Variants in GIN1 observed in about 807,000 individuals in gnomAD.
The protein encoded by GIN1 is gypsy retrotransposon integrase 1.
Under a neutral mutation model 51.4 loss-of-function variants are expected in GIN1, and 41 were observed. That is an observed-to-expected ratio of 0.80 (90% CI 0.62 to 1.04). The LOEUF is 1.04. Ranked by LOEUF, GIN1 falls within the 50% of genes least tolerant of loss-of-function variation. The pLI is 0.00. For synonymous variants in GIN1, 222 were observed against 206.5 expected, an observed-to-expected ratio of 1.07 and a Z score of -0.64; for missense variants, 610 against 612.4, an observed-to-expected ratio of 1.00 and a Z score of 0.04.
intron 1 of GIN1, among the ~76,000 whole-genome samples, chr5:103,119,712 G>A (rs1273017307): frequency 6.6e-6 from 1 of 152,154 alleles, no homozygotes; most frequent in Non-Finnish European, 1.5e-5. Context: ...AGTCTCAAAC[G>A]CTGTGAGGGA....
At chr5:103,096,418 G>GT in intron 7 of GIN1, 123 bp downstream of exon 7, 1 of 755,684 alleles carries the variant, frequency 1.3e-6, no homozygotes, top group Non-Finnish European at 2.2e-6. Context: ...AGCTAAAACT[G>GT]TAACAAATTT....
intron 1 of GIN1, among the ~76,000 whole-genome samples, chr5:103,113,799 G>C (rs1787950098): frequency 6.6e-6 from 1 of 152,104 alleles, no homozygotes. Context: ...TGGGCTTACA[G>C]GTGTGAGCCA....
Position 103,106,723 on chromosome 5 carries a change from T to C in GIN1, c.326A>G (p.Lys109Arg). 2 of 1,573,808 alleles carry C rather than the reference T, an allele frequency of 1.3e-6. No individual in the cohort carries two copies. Among genetic ancestry groups the C allele is most frequent in the Non-Finnish European group, 1.7e-6 (2 of 1,153,280 alleles). ...TAAATACATAAGCCATACCCACTGT[T>C]TGACATCATTGGTCACAGATGTCCA... ...YYWTSVTNDV[K>R]QWVYACQHCQ... Residue 109 changes from lysine to arginine, a missense_variant, in exon 3 of 8, where the codon AAA becomes AGA. Lys to Arg is a conservative substitution (Grantham distance 26, BLOSUM62 2). Coordinates refer to ENST00000399004, the MANE Select transcript of GIN1 (RefSeq NM_017676.2).
At chr5:103,117,290 G>A (rs941104616) in intron 1 of GIN1, among the ~76,000 whole-genome samples, 33 of 151,852 alleles carry the variant, frequency 2.2e-4, no homozygotes, top group African/African-American at 7.5e-4. Context: ...AGACACAAAT[G>A]GCTATATATT....
chr5:103,099,617 A>G (rs1787511489), intron 4 of GIN1, among the ~76,000 whole-genome samples: 1 of 152,196 alleles, frequency 6.6e-6, no homozygotes, highest in African/African-American at 2.4e-5. Context: ...GGAATGATCC[A>G]GGGAATCCAT....
Position 103,088,167 on chromosome 5 carries a change from G to C in GIN1, c.1300C>G (p.Leu434Val). 1 of 1,487,656 alleles carries C rather than the reference G, an allele frequency of 6.7e-7. No individual in the cohort carries two copies. The allele number at this position is 1,487,656 out of a possible 1,614,324, so 92.2% of individuals were successfully genotyped here. A position where few individuals can be genotyped will look rare whatever the true frequency, so the allele number is the denominator to read the frequency against. ...ACTACTGAACCTTGCAAGAGATAAAGACTTTCTGAAAAAAGAAAAATCATA... is the reference window on the plus strand; with the variant it reads ...ACTACTGAACCTTGCAAGAGATAAACACTTTCTGAAAAAAGAAAAATCATA... ...YIRESSEQES[L>V]YLLQGSVVAD... is the part of the protein sequence containing the mutation. The change falls in exon 8 of 8, where the codon CTT becomes GTT. Residue 434 changes from leucine to valine, a missense_variant. Coordinates refer to ENST00000399004, the MANE Select transcript of GIN1 (RefSeq NM_017676.2).
intron 1 of GIN1, among the ~76,000 whole-genome samples, chr5:103,117,474 A>T (rs781965762): frequency 6.6e-6 from 1 of 151,480 alleles, no homozygotes; most frequent in Non-Finnish European, 1.5e-5. Flanking sequence ...GCATATATAG[A>T]ACCTGATATA....
intron 2 of GIN1, among the ~76,000 whole-genome samples, chr5:103,108,329 G>A (rs564235919): frequency 2.6e-5 from 4 of 152,114 alleles, no homozygotes; most frequent in Non-Finnish European, 5.9e-5. Flanking sequence ...TTAGAAAAAT[G>A]TTTTGTTTTC....
chr5:103,118,533 C>A (rs1554197684), intron 1 of GIN1, among the ~76,000 whole-genome samples: 1 of 152,044 alleles, frequency 6.6e-6, no homozygotes, highest in Non-Finnish European at 1.5e-5. Context: ...AGAAAATAAT[C>A]AGAAGACTCA....
chr5:103,100,384 C>CTATTAT (rs782702809), intron 4 of GIN1, among the ~76,000 whole-genome samples: 8 of 150,418 alleles, frequency 5.3e-5, no homozygotes, highest in South Asian at 2.1e-4. Flanking sequence ...TGAGCACAGC[C>CTATTAT]TATTATTATT....
At chr5:103,113,421 AG>A (rs1299894872) in intron 1 of GIN1, among the ~76,000 whole-genome samples, 4 of 152,042 alleles carry the variant, frequency 2.6e-5, no homozygotes, top group Non-Finnish European at 4.4e-5. Flanking sequence ...ACATGAGGGA[AG>A]GGGAAAGGGG....
At position 103,088,105 on chromosome 5, in the gene GIN1, C is replaced by T. The variant is rs183830554; in HGVS notation, c.1362G>A (p.Pro454=). 6.8e-6 allele frequency: 11 copies of T among 1,608,408 alleles called. No homozygotes were observed. The highest frequency in any genetic ancestry group is 4.4e-5 in the South Asian group (4 of 90,858). ...DHDYIGLPEI[P]IGAYQANILV... is the part of the protein sequence containing the mutation. ...GAATATTTGCTTGATATGCTCCAATCGGAATTTCAGGCAATCCAATGTAGT... is the reference window on the plus strand; with the variant it reads ...GAATATTTGCTTGATATGCTCCAATTGGAATTTCAGGCAATCCAATGTAGT... Residue 454 remains proline (P), a synonymous_variant, in exon 8 of 8, where the codon CCG becomes CCA. Transcript: ENST00000399004.
intron 7 of GIN1, among the ~76,000 whole-genome samples, chr5:103,093,011 C>CA (rs1239238958): frequency 7.2e-6 from 1 of 139,650 alleles, no homozygotes; most frequent in African/African-American, 2.6e-5. Context: ...ACTAAGAGGC[C>CA]AAAAAAAGGC....
rs782601111 is a variant in GIN1, at chr5:103,087,981, A to G, written c.1486T>C (p.Leu496=). 8 of 1,597,930 alleles carry G rather than the reference A, an allele frequency of 5.0e-6. No individual in the cohort carries two copies. Among genetic ancestry groups the G allele is most frequent in the South Asian group, 4.4e-5 (4 of 90,654 alleles). ...LEYRNTKISP[L]IDDHSSLEKQ... The stretch of plus-strand genomic sequence containing the variant: ...TCAAGAGAACTATGATCGTCTATCA[A>G]TGGAGAGATTTTCGTATTTCTATAT... Residue 496 remains leucine (L), a synonymous_variant, in exon 8 of 8, where the codon TTG becomes CTG. Transcript: ENST00000399004.
Position 103,097,753 on chromosome 5 carries a change from CCAAA to C in GIN1, c.664_667del (p.Phe222AlafsTer2). 3.2e-6 allele frequency: 5 copies of C among 1,563,460 alleles called. No individual in the cohort carries two copies. The highest frequency in any genetic ancestry group is 4.4e-6 in the Non-Finnish European group (5 of 1,134,016). ...GTGAGAAATTACAATTTGCTTTATGCCAAACAATCTGTACAGTTCAATATTGATC... is the reference window on the plus strand; with the variant it reads ...GTGAGAAATTACAATTTGCTTTATGCCAATCTGTACAGTTCAATATTGATC... On this transcript the variant is annotated frameshift_variant, in exon 5 of 8. Coordinates refer to ENST00000399004, the MANE Select transcript of GIN1 (RefSeq NM_017676.2). LOFTEE classifies it high-confidence loss of function.
At chr5:103,110,187 C>CT (rs1490129703) in intron 1 of GIN1, among the ~76,000 whole-genome samples, 1 of 142,282 alleles carries the variant, frequency 7.0e-6, no homozygotes, top group Non-Finnish European at 1.6e-5. Context: ...GCAAAGATTT[C>CT]TTAAATAAGA....
chr5:103,100,254 C>T (rs1787532598), intron 4 of GIN1, among the ~76,000 whole-genome samples: 1 of 151,910 alleles, frequency 6.6e-6, no homozygotes, highest in South Asian at 2.1e-4. Context: ...TGTGCCCTAC[C>T]ACTCCTGGCT....
chr5:103,104,095 A>G (rs1273229102), intron 4 of GIN1, among the ~76,000 whole-genome samples: 1 of 152,000 alleles, frequency 6.6e-6, no homozygotes, highest in Non-Finnish European at 1.5e-5. Context: ...CTGTGATTAC[A>G]GGCGCCCACC....
chr5:103,098,450 A>C (rs981607500), intron 4 of GIN1, among the ~76,000 whole-genome samples: 5 of 152,192 alleles, frequency 3.3e-5, no homozygotes, highest in Admixed American at 6.5e-5. Context: ...AACAGAACTT[A>C]ACGTTAACTT....
Sources: allele counts gnomAD v4.1 joint callset (sites outside exome capture counted in the v4.1 genomes callset), GRCh38; gene constraint gnomAD v4.1.1; transcripts MANE v1.5; gene names NCBI Gene and HGNC (gene_info 2026-07-23, HGNC 2026-07-21).